Variants in CNTN4 observed in about 807,000 individuals in gnomAD.
CNTN4 encodes the protein contactin 4.
In CNTN4, 77 loss-of-function variants were observed where a neutral mutation model predicts 122.5. That is an observed-to-expected ratio of 0.63 (90% CI 0.52 to 0.76). CNTN4 has a LOEUF of 0.76. Ranked by LOEUF, CNTN4 falls within the 30% of genes least tolerant of loss-of-function variation. The probability of loss-of-function intolerance (pLI) is 0.00; values close to 1 mark genes in which losing one functional copy is unlikely to be tolerated. For missense variants in CNTN4, 1,256 were observed against 1,259.1 expected, an observed-to-expected ratio of 1.00 and a Z score of 0.04; for synonymous variants, 512 against 447.0, an observed-to-expected ratio of 1.15 and a Z score of -1.83.
At chr3:2,159,461 T>C (rs894757343) in intron 2 of CNTN4, among the ~76,000 whole-genome samples, 4 of 152,180 alleles carry the variant, frequency 2.6e-5, no homozygotes, top group African/African-American at 9.7e-5. Flanking sequence ...TCAACCTGAA[T>C]ATTGGAAAAG....
chr3:2,914,356 T>A (rs955968612), intron 12 of CNTN4, among the ~76,000 whole-genome samples: 1 of 152,014 alleles, frequency 6.6e-6, no homozygotes, highest in Non-Finnish European at 1.5e-5. Context: ...AAAAAATCAG[T>A]GTAAACAAGA....
At chr3:2,955,120 A>G (rs1033209223) in intron 13 of CNTN4, among the ~76,000 whole-genome samples, 3 of 152,198 alleles carry the variant, frequency 2.0e-5, no homozygotes, top group African/African-American at 7.2e-5. Flanking sequence ...ATGAAACATT[A>G]CAAAGTTAAA....
At chr3:2,224,422 C>T (rs1228342954) in intron 2 of CNTN4, among the ~76,000 whole-genome samples, 5 of 152,194 alleles carry the variant, frequency 3.3e-5, no homozygotes, top group Non-Finnish European at 7.3e-5. Context: ...AGACGATAGT[C>T]TGTGAGACCA....
Position 2,568,331 on chromosome 3 carries a change from AAAAAAAAAAC to A in CNTN4, c.-88-3084_-88-3075del, listed in dbSNP as rs1335616087. Among the ~76,000 whole-genome samples the A allele has an allele frequency of 4.0e-5, 6 of 151,128 alleles. 1 individual carries two copies. Among genetic ancestry groups the A allele is most frequent in the East Asian group, 1.9e-4 (1 of 5,160 alleles). ...TGCAAGAATGTGAAAAAAAAAAAAA[AAAAAAAAAAC>A]CACCCTGTACAATTCTCAGTTATTC... On this transcript the variant is annotated intron_variant, in intron 3 of 24. Coordinates refer to ENST00000418658, the MANE Select transcript of CNTN4 (RefSeq NM_175607.3).
At chr3:2,108,186 T>A (rs2032619650) in intron 2 of CNTN4, among the ~76,000 whole-genome samples, 1 of 141,018 alleles carries the variant, frequency 7.1e-6, no homozygotes. Context: ...TTTTTTTTCA[T>A]GACTGTTTAC....
intron 13 of CNTN4, among the ~76,000 whole-genome samples, chr3:2,937,736 AG>A (rs1245966005): frequency 6.6e-6 from 1 of 152,214 alleles, no homozygotes; most frequent in African/African-American, 2.4e-5. Flanking sequence ...AGCAGTGCTT[AG>A]GGAACAGACT....
intron 2 of CNTN4, among the ~76,000 whole-genome samples, chr3:2,249,477 G>GAAAGTTC (rs1348111522): frequency 1.3e-4 from 19 of 151,940 alleles, no homozygotes; most frequent in Admixed American, 5.9e-4. Flanking sequence ...TGAGCAGCTA[G>GAAAGTTC]AAAGTTCAAG....
intron 2 of CNTN4, among the ~76,000 whole-genome samples, chr3:2,102,569 G>C (rs1317987196): frequency 6.6e-6 from 1 of 152,158 alleles, no homozygotes; most frequent in East Asian, 1.9e-4. Flanking sequence ...CTCCTTCAAA[G>C]TGTGATTCAG....
chr3:2,163,049 G>T (rs1432488362), intron 2 of CNTN4, among the ~76,000 whole-genome samples: 2 of 152,120 alleles, frequency 1.3e-5, no homozygotes, highest in Non-Finnish European at 2.9e-5. Context: ...GTGAGCGAAG[G>T]TCATGCCACT....
At chr3:2,212,713 A>G (rs1365277742) in intron 2 of CNTN4, among the ~76,000 whole-genome samples, 2 of 152,258 alleles carry the variant, frequency 1.3e-5, no homozygotes, top group Non-Finnish European at 1.5e-5. Context: ...TTAGTTTAAA[A>G]TAGTGTTTTT....
chr3:2,319,086 C>T (rs1403314579), intron 2 of CNTN4, among the ~76,000 whole-genome samples: 3 of 152,006 alleles, frequency 2.0e-5, no homozygotes, highest in African/African-American at 7.2e-5. Context: ...TAGAATTTTG[C>T]AATTTTATTA....
At chr3:2,384,244 G>A (rs1024420226) in intron 3 of CNTN4, among the ~76,000 whole-genome samples, 1 of 152,006 alleles carries the variant, frequency 6.6e-6, no homozygotes, top group Non-Finnish European at 1.5e-5. Flanking sequence ...CTAAACGTAG[G>A]CCCTGGTGTA....
At chr3:2,215,212 T>A (rs1164838417) in intron 2 of CNTN4, among the ~76,000 whole-genome samples, 1 of 152,214 alleles carries the variant, frequency 6.6e-6, no homozygotes, top group Non-Finnish European at 1.5e-5. Flanking sequence ...TGTATAGTAT[T>A]TGGTGGTGTT....
At chr3:2,426,109 A>G (rs2047821485) in intron 3 of CNTN4, among the ~76,000 whole-genome samples, 1 of 152,124 alleles carries the variant, frequency 6.6e-6, no homozygotes, top group African/African-American at 2.4e-5. Flanking sequence ...ACTATGTTGA[A>G]TAGGAGTGGT....
intron 3 of CNTN4, among the ~76,000 whole-genome samples, chr3:2,563,646 A>T (rs2149442978): frequency 6.6e-6 from 1 of 152,304 alleles, no homozygotes; most frequent in Non-Finnish European, 1.5e-5. Context: ...TGTGAGAAAA[A>T]TCATAGCTTT....
intron 2 of CNTN4, among the ~76,000 whole-genome samples, chr3:2,307,680 G>A (rs924602935): frequency 1.3e-5 from 2 of 151,872 alleles, no homozygotes; most frequent in Admixed American, 6.6e-5. Context: ...ATGATCATGT[G>A]GCTTTTGTTC....
chr3:2,420,474 C>T (rs532720428), intron 3 of CNTN4, among the ~76,000 whole-genome samples: 1 of 151,766 alleles, frequency 6.6e-6, no homozygotes, highest in Non-Finnish European at 1.5e-5. Flanking sequence ...CTCACTCTGT[C>T]CCCCAGGCTG....
intron 7 of CNTN4, among the ~76,000 whole-genome samples, chr3:2,832,601 G>T (rs1184568998): frequency 6.6e-6 from 1 of 152,212 alleles, no homozygotes; most frequent in Non-Finnish European, 1.5e-5. Flanking sequence ...TAAGTCTGGA[G>T]TGGAGAGGTT....
intron 6 of CNTN4, among the ~76,000 whole-genome samples, chr3:2,766,590 G>A (rs542211868): frequency 7.9e-5 from 12 of 152,214 alleles, no homozygotes; most frequent in African/African-American, 2.6e-4. Flanking sequence ...TTTGGGACGC[G>A]GCGGGGAAAG....
Sources: gnomAD v4.1 joint callset for allele counts (sites outside exome capture counted in the v4.1 genomes callset) on GRCh38, gnomAD v4.1.1 for gene constraint, MANE v1.5 for transcripts, NCBI Gene and HGNC (gene_info 2026-07-23, HGNC 2026-07-21) for gene names.